Variants in BMPR1B observed in about 807,000 individuals in gnomAD.
The protein encoded by BMPR1B is bone morphogenetic protein receptor type 1B.
Under a neutral mutation model 59.1 loss-of-function variants are expected in BMPR1B, and 12 were observed. The observed-to-expected ratio is 0.20, with a 90% CI of 0.13 to 0.33. The LOEUF is 0.33. Ranked by LOEUF, BMPR1B falls within the 10% of genes least tolerant of loss-of-function variation. The probability of loss-of-function intolerance (pLI) is 1.00; values close to 1 mark genes in which losing one functional copy is unlikely to be tolerated. For missense variants in BMPR1B, 550 were observed against 610.9 expected, an observed-to-expected ratio of 0.90 and a Z score of 1.05; for synonymous variants, 237 against 207.3, an observed-to-expected ratio of 1.14 and a Z score of -1.23.
At chr4:95,064,770 C>CT (rs1456231880) in intron 3 of BMPR1B, among the ~76,000 whole-genome samples, 1 of 152,038 alleles carries the variant, frequency 6.6e-6, no homozygotes, top group Non-Finnish European at 1.5e-5. Context: ...GGCTGACAAT[C>CT]ACATGAAAAA....
intron 2 of BMPR1B, among the ~76,000 whole-genome samples, chr4:94,954,065 C>T (rs1190225773): frequency 1.3e-5 from 2 of 151,974 alleles, no homozygotes; most frequent in Non-Finnish European, 2.9e-5. Flanking sequence ...GCTATTGATA[C>T]TTGTGTATGC....
At chr4:95,097,819 A>G (rs1730540919) in intron 3 of BMPR1B, among the ~76,000 whole-genome samples, 1 of 152,174 alleles carries the variant, frequency 6.6e-6, no homozygotes, top group South Asian at 2.1e-4. Context: ...TACAAGTGTA[A>G]GCCACCGCGC....
chr4:94,861,161 C>G (rs746534336), intron 1 of BMPR1B, among the ~76,000 whole-genome samples: 2 of 152,168 alleles, frequency 1.3e-5, no homozygotes, highest in African/African-American at 2.4e-5. Context: ...AAGGTGGCTT[C>G]AAATCCCAGT....
intron 1 of BMPR1B, among the ~76,000 whole-genome samples, chr4:94,843,841 C>T (rs1055039851): frequency 6.6e-6 from 1 of 152,110 alleles, no homozygotes; most frequent in East Asian, 1.9e-4. Context: ...GGGTACTCAC[C>T]TCCTGCTCTG....
chr4:95,100,136 A>C (rs377271234), intron 3 of BMPR1B, among the ~76,000 whole-genome samples: 6 of 152,208 alleles, frequency 3.9e-5, no homozygotes, highest in African/African-American at 1.4e-4. Context: ...CTTGGAGGTA[A>C]GCTTCGTCTT....
At chr4:94,923,105 A>G (rs1030863671) in intron 2 of BMPR1B, among the ~76,000 whole-genome samples, 3 of 151,722 alleles carry the variant, frequency 2.0e-5, no homozygotes, top group African/African-American at 4.8e-5. Context: ...ACAATTATGT[A>G]TAATTAATTT....
intron 10 of BMPR1B, among the ~76,000 whole-genome samples, chr4:95,132,485 C>A (rs535433802): frequency 3.3e-5 from 5 of 152,144 alleles, no homozygotes; most frequent in Admixed American, 6.5e-5. Context: ...AGGTCTTCAC[C>A]ATGTAAAGGA....
chr4:95,100,665 C>T (rs1325710992), intron 3 of BMPR1B, among the ~76,000 whole-genome samples: 1 of 152,100 alleles, frequency 6.6e-6, no homozygotes, highest in African/African-American at 2.4e-5. Context: ...CTTTCTAGAG[C>T]TAATATTATT....
chr4:94,961,736 C>T (rs1400373337), intron 2 of BMPR1B, among the ~76,000 whole-genome samples: 2 of 152,172 alleles, frequency 1.3e-5, no homozygotes, highest in Non-Finnish European at 2.9e-5. Flanking sequence ...TTTCCATACT[C>T]AAGTGTGCTA....
Position 95,144,311 on chromosome 4 carries a change from G to A in BMPR1B, c.1077-4437G>A, listed in dbSNP as rs192004920. ...TGCTTCAGCCTCGCAAGTAGCTGGG[G>A]CTACAGGCATGTGCCACCACACCCA... On this transcript the variant is annotated intron_variant, in intron 10 of 12. Transcript: ENST00000515059. 2.8e-3 allele frequency among the ~76,000 whole-genome samples: 429 copies of A among 152,046 alleles called. 5 individuals are homozygous for A. The highest frequency in any genetic ancestry group is 2.3e-3 in the Non-Finnish European group (154 of 67,980).
At chr4:94,899,333 G>GACTTTTCAGGCCACTACA (rs935583878) in intron 2 of BMPR1B, among the ~76,000 whole-genome samples, 1 of 148,710 alleles carries the variant, frequency 6.7e-6, no homozygotes, top group Non-Finnish European at 1.5e-5. Flanking sequence ...ATTAGGACCT[G>GACTTTTCAGGCCACTACA]ACTTTTCAGG....
At chr4:94,945,591 T>C (rs1729679723) in intron 2 of BMPR1B, among the ~76,000 whole-genome samples, 1 of 152,122 alleles carries the variant, frequency 6.6e-6, no homozygotes, top group African/African-American at 2.4e-5. Flanking sequence ...CATGCCATCA[T>C]GCTCAGCTAA....
At chr4:94,921,569 A>G (rs1256995144) in intron 2 of BMPR1B, among the ~76,000 whole-genome samples, 1 of 152,048 alleles carries the variant, frequency 6.6e-6, no homozygotes, top group Non-Finnish European at 1.5e-5. Context: ...ACACTTTTAA[A>G]CAACCGCATC....
At chr4:95,102,180 CTT>C (rs571817884) in intron 3 of BMPR1B, among the ~76,000 whole-genome samples, 5 of 152,316 alleles carry the variant, frequency 3.3e-5, no homozygotes, top group African/African-American at 1.2e-4. Context: ...TTATACCACT[CTT>C]TAAATAAATT....
At chr4:94,951,245 C>T (rs1364140089) in intron 2 of BMPR1B, among the ~76,000 whole-genome samples, 1 of 152,192 alleles carries the variant, frequency 6.6e-6, no homozygotes, top group African/African-American at 2.4e-5. Context: ...TCCTCTCTTC[C>T]TATTTGAATA....
At chr4:95,029,470 G>A (rs1401395289) in intron 3 of BMPR1B, among the ~76,000 whole-genome samples, 1 of 152,032 alleles carries the variant, frequency 6.6e-6, no homozygotes, top group Non-Finnish European at 1.5e-5. Flanking sequence ...GTGTATATGT[G>A]CCACATTTTC....
At chr4:94,956,451 G>A (rs547041385) in intron 2 of BMPR1B, among the ~76,000 whole-genome samples, 6 of 152,012 alleles carry the variant, frequency 3.9e-5, no homozygotes, top group South Asian at 4.2e-4. Context: ...TGGAATGTGG[G>A]GTAGCTTATT....
intron 1 of BMPR1B, among the ~76,000 whole-genome samples, chr4:94,776,301 G>T (rs989061489): frequency 4.6e-5 from 7 of 152,080 alleles, no homozygotes; most frequent in Admixed American, 3.3e-4. Flanking sequence ...TTTGATCAAA[G>T]AACAGTAAAA....
At chr4:95,067,531 G>T (rs1727925044) in intron 3 of BMPR1B, among the ~76,000 whole-genome samples, 1 of 152,156 alleles carries the variant, frequency 6.6e-6, no homozygotes, top group Non-Finnish European at 1.5e-5. Flanking sequence ...ATGGAATGAA[G>T]CCAAGAAAGC....
Sources: gnomAD v4.1 joint callset for allele counts (sites outside exome capture counted in the v4.1 genomes callset) on GRCh38, gnomAD v4.1.1 for gene constraint, MANE v1.5 for transcripts, NCBI Gene and HGNC (gene_info 2026-07-23, HGNC 2026-07-21) for gene names.